WWOX: variants seen among roughly 807,000 people sequenced by gnomAD.
WWOX encodes WW domain-containing oxidoreductase.
Under a neutral mutation model 46.2 loss-of-function variants are expected in WWOX, and 69 were observed. The observed-to-expected ratio is 1.49, with a 90% CI of 1.23 to 1.82. The LOEUF is 1.82. WWOX is among the 40% of genes most tolerant of loss of function. The pLI is 0.00. For synonymous variants in WWOX, 359 were observed against 202.6 expected, an observed-to-expected ratio of 1.77 and a Z score of -6.56; for missense variants, 919 against 542.6, an observed-to-expected ratio of 1.69 and a Z score of -6.89.
intron 8 of WWOX, among the ~76,000 whole-genome samples, chr16:78,801,184 C>G (rs1026109426): frequency 1.3e-5 from 2 of 151,958 alleles, no homozygotes; most frequent in Non-Finnish European, 2.9e-5. Context: ...CAAGTGGTTT[C>G]TACCTCATTA....
At chr16:78,546,873 T>G (rs545066811) in intron 8 of WWOX, among the ~76,000 whole-genome samples, 1 of 152,216 alleles carries the variant, frequency 6.6e-6, no homozygotes. Flanking sequence ...ATGCCCGTAA[T>G]CTTAGCACTT....
chr16:79,172,025 C>G (rs1336835541), intron 8 of WWOX, among the ~76,000 whole-genome samples: 4 of 152,190 alleles, frequency 2.6e-5, no homozygotes, highest in Admixed American at 1.3e-4. Context: ...GAACACGGAG[C>G]TCCTGCAGAA....
At chr16:78,403,829 G>A (rs2082467316) in intron 6 of WWOX, among the ~76,000 whole-genome samples, 1 of 152,144 alleles carries the variant, frequency 6.6e-6, no homozygotes, top group African/African-American at 2.4e-5. Context: ...AAGTTTCCTG[G>A]ATACTTTTGA....
chr16:78,329,837 C>G (rs948789572), intron 5 of WWOX, among the ~76,000 whole-genome samples: 2 of 151,548 alleles, frequency 1.3e-5, no homozygotes, highest in East Asian at 3.9e-4. Context: ...GCCTCAAACT[C>G]TTTGGCTCCA....
At chr16:79,025,086 C>A (rs1435432392) in intron 8 of WWOX, among the ~76,000 whole-genome samples, 1 of 151,884 alleles carries the variant, frequency 6.6e-6, no homozygotes, top group African/African-American at 2.4e-5. Context: ...CATTCCACTC[C>A]CAAGAGCAGT....
intron 8 of WWOX, among the ~76,000 whole-genome samples, chr16:78,569,432 A>T (rs1414078763): frequency 6.6e-6 from 1 of 152,228 alleles, no homozygotes; most frequent in Non-Finnish European, 1.5e-5. Flanking sequence ...CATTTAATTT[A>T]TCATAAACCA....
chr16:78,876,116 T>G (rs1453378370), intron 8 of WWOX, among the ~76,000 whole-genome samples: 2 of 152,206 alleles, frequency 1.3e-5, no homozygotes, highest in Non-Finnish European at 2.9e-5. Context: ...TCAACTAGTT[T>G]ACATGACTTT....
At chr16:79,036,657 T>G (rs1009128612) in intron 8 of WWOX, among the ~76,000 whole-genome samples, 2 of 152,162 alleles carry the variant, frequency 1.3e-5, no homozygotes, top group Non-Finnish European at 2.9e-5. Flanking sequence ...GAAGCTCTGT[T>G]TTTGGAAGGA....
At chr16:78,978,840 C>A (rs551296241) in intron 8 of WWOX, among the ~76,000 whole-genome samples, 1 of 152,112 alleles carries the variant, frequency 6.6e-6, no homozygotes, top group Non-Finnish European at 1.5e-5. Context: ...CCCACCAGGC[C>A]CCACCTCCAA....
chr16:78,271,309 C>T (rs962717456), intron 5 of WWOX, among the ~76,000 whole-genome samples: 2 of 152,134 alleles, frequency 1.3e-5, no homozygotes, highest in African/African-American at 2.4e-5. Context: ...TGTATCTTGT[C>T]AAAGGAAATC....
At chr16:78,535,660 A>T (rs952389070) in intron 8 of WWOX, 2 of 152,152 alleles carry the variant, frequency 1.3e-5, no homozygotes, top group African/African-American at 4.8e-5. Flanking sequence ...AGTTTAAACA[A>T]TCTCTTCCCT....
At chr16:78,768,058 CT>C (rs2049967891) in intron 8 of WWOX, among the ~76,000 whole-genome samples, 2 of 151,856 alleles carry the variant, frequency 1.3e-5, no homozygotes, top group Admixed American at 1.3e-4. Context: ...ATTCCACCCC[CT>C]GTGCTTTTTC....
At chr16:78,129,319 A>T (rs182451030) in intron 4 of WWOX, among the ~76,000 whole-genome samples, 56 of 152,236 alleles carry the variant, frequency 3.7e-4, no homozygotes, top group Non-Finnish European at 1.0e-4. Context: ...TTACATGTTT[A>T]CTTAATTATT....
At chr16:78,352,244 A>C (rs1031541361) in intron 5 of WWOX, among the ~76,000 whole-genome samples, 2 of 152,246 alleles carry the variant, frequency 1.3e-5, no homozygotes, top group East Asian at 3.8e-4. Context: ...AACATGTTAC[A>C]TAACTGTATT....
At chr16:78,559,915 G>C (rs992744716) in intron 8 of WWOX, among the ~76,000 whole-genome samples, 2 of 152,206 alleles carry the variant, frequency 1.3e-5, no homozygotes, top group Non-Finnish European at 2.9e-5. Context: ...ATCCGTTGCA[G>C]AAAGCCTAGC....
At chr16:78,172,887 CT>C (rs922707376) in intron 5 of WWOX, among the ~76,000 whole-genome samples, 5 of 152,190 alleles carry the variant, frequency 3.3e-5, no homozygotes, top group African/African-American at 1.2e-4. Flanking sequence ...GAAAGGCCTG[CT>C]TTTGGCCACT....
At chr16:78,780,223 C>G (rs1282762851) in intron 8 of WWOX, among the ~76,000 whole-genome samples, 1 of 152,098 alleles carries the variant, frequency 6.6e-6, no homozygotes, top group Non-Finnish European at 1.5e-5. Flanking sequence ...ACACCCATAC[C>G]ATTCTTAACA....
intron 8 of WWOX, among the ~76,000 whole-genome samples, chr16:78,462,388 T>A (rs1430836256): frequency 6.6e-6 from 1 of 152,182 alleles, no homozygotes; most frequent in African/African-American, 2.4e-5. Context: ...AAGTGTCTAG[T>A]GAGCCGGCCA....
chr16:79,198,536 G>A (rs1336576465), intron 8 of WWOX, among the ~76,000 whole-genome samples: 1 of 152,140 alleles, frequency 6.6e-6, no homozygotes, highest in Non-Finnish European at 1.5e-5. Flanking sequence ...GGTGCCCCTT[G>A]GTGGAGCAAC....
Sources: gnomAD v4.1 joint callset for allele counts (sites outside exome capture counted in the v4.1 genomes callset) on GRCh38, gnomAD v4.1.1 for gene constraint, MANE v1.5 for transcripts, NCBI Gene and HGNC (gene_info 2026-07-23, HGNC 2026-07-21) for gene names.